MEI4: variants seen among roughly 807,000 people sequenced by gnomAD.
The protein encoded by MEI4 is meiosis-specific protein MEI4.
In MEI4, 27 loss-of-function variants were observed where a neutral mutation model predicts 31.4. That is an observed-to-expected ratio of 0.86 (90% CI 0.63 to 1.19). The LOEUF is 1.19. Among genes scored for constraint, MEI4 ranks in the 50% most tolerant of loss-of-function variants. The probability of loss-of-function intolerance (pLI) is 0.00; values close to 1 mark genes in which losing one functional copy is unlikely to be tolerated. For synonymous variants in MEI4, 122 were observed against 145.4 expected (o/e 0.84, Z 1.16); for missense variants, 329 against 398.9 (o/e 0.82, Z 1.49).
chr6:77,677,859 T>A (rs1768873312), intron 1 of MEI4, among the ~76,000 whole-genome samples: 1 of 152,250 alleles, frequency 6.6e-6, no homozygotes, highest in South Asian at 2.1e-4. Context: ...TCTACATGTA[T>A]AAATTAATTA....
At chr6:77,915,910 C>T (rs1766533811) in intron 4 of MEI4, among the ~76,000 whole-genome samples, 1 of 151,786 alleles carries the variant, frequency 6.6e-6, no homozygotes, top group South Asian at 2.1e-4. Context: ...TATTTGTTTC[C>T]TTTATCATGG....
At chr6:77,824,240 C>A (rs2127709671) in intron 3 of MEI4, among the ~76,000 whole-genome samples, 1 of 152,242 alleles carries the variant, frequency 6.6e-6, no homozygotes, top group African/African-American at 2.4e-5. Flanking sequence ...CAGGCGCGTG[C>A]CACCATCCCC....
chr6:77,810,508 G>A lies in MEI4; in HGVS notation c.769-18423G>A, dbSNP rs143417089. ...TAAGGGGTGAAGAAGGCATCTGCCC[G>A]GTGCCAGAAAACAAAAAGTAAAGGC... On this transcript the variant is annotated intron_variant, in intron 3 of 4. Coordinates refer to ENST00000684080, the MANE Select transcript of MEI4 (RefSeq NM_001322247.2). 8.1e-3 allele frequency among the ~76,000 whole-genome samples: 1,226 copies of A among 152,158 alleles called. 14 individuals are homozygous for A. The highest frequency in any genetic ancestry group is 0.048 in the Middle Eastern group (14 of 294).
chr6:77,696,112 T>C (rs1251715525), intron 2 of MEI4, among the ~76,000 whole-genome samples: 5 of 152,216 alleles, frequency 3.3e-5, no homozygotes, highest in African/African-American at 9.6e-5. Context: ...GCACATTGAT[T>C]TTGTATCCTG....
intron 2 of MEI4, among the ~76,000 whole-genome samples, chr6:77,727,886 T>A (rs1012382982): frequency 1.3e-5 from 2 of 152,172 alleles, no homozygotes; most frequent in Non-Finnish European, 2.9e-5. Flanking sequence ...AGTTTCCTGA[T>A]TGAAATCTCT....
At chr6:77,918,126 T>G (rs9343694) in intron 4 of MEI4, among the ~76,000 whole-genome samples, 82,641 of 148,746 alleles carry the variant, frequency 0.56, 24,428 homozygotes, top group Non-Finnish European at 0.64. Flanking sequence ...CATTGATCTA[T>G]ATCTCTGTTT....
At chr6:77,791,687 A>G (rs559791059) in intron 3 of MEI4, among the ~76,000 whole-genome samples, 37 of 150,224 alleles carry the variant, frequency 2.5e-4, no homozygotes, top group South Asian at 6.3e-4. Context: ...ATAAAAAAAA[A>G]AAAAAGAAAT....
intron 3 of MEI4, among the ~76,000 whole-genome samples, chr6:77,804,268 A>C (rs2127702145): frequency 6.6e-6 from 1 of 152,258 alleles, no homozygotes; most frequent in South Asian, 2.1e-4. Flanking sequence ...ACGGGATATA[A>C]TCTCCTGGTG....
chr6:77,739,401 G>A (rs1582084528), intron 2 of MEI4, among the ~76,000 whole-genome samples: 1 of 152,118 alleles, frequency 6.6e-6, no homozygotes, highest in Non-Finnish European at 1.5e-5. Context: ...CCATAGAATA[G>A]AATGAGTTCA....
At chr6:77,822,785 A>T (rs1769858374) in intron 3 of MEI4, among the ~76,000 whole-genome samples, 1 of 146,100 alleles carries the variant, frequency 6.8e-6, no homozygotes, top group South Asian at 2.2e-4. Context: ...ACTCCTGGCT[A>T]TTTTTTTTTT....
chr6:77,749,292 G>A (rs956154803), intron 2 of MEI4, among the ~76,000 whole-genome samples: 2 of 152,214 alleles, frequency 1.3e-5, no homozygotes, highest in Non-Finnish European at 2.9e-5. Flanking sequence ...ACAGAAGTAG[G>A]CTTCAGAAGG....
intron 4 of MEI4, among the ~76,000 whole-genome samples, chr6:77,914,036 A>AG (rs1766489043): frequency 6.6e-6 from 1 of 150,550 alleles, no homozygotes; most frequent in Non-Finnish European, 1.5e-5. Flanking sequence ...TGTTTCAAGA[A>AG]AAAAAAAAAA....
intron 4 of MEI4, among the ~76,000 whole-genome samples, chr6:77,914,386 G>A (rs1285823707): frequency 6.6e-6 from 1 of 151,898 alleles, no homozygotes; most frequent in Non-Finnish European, 1.5e-5. Context: ...TAATTTGAAT[G>A]TATTTGTACA....
chr6:77,765,538 G>A (rs532530655), intron 3 of MEI4, among the ~76,000 whole-genome samples: 18 of 151,044 alleles, frequency 1.2e-4, no homozygotes, highest in Non-Finnish European at 2.5e-4. Context: ...TTAGCATTAG[G>A]TATATCTCCT....
chr6:77,739,526 A>G (rs926453399), intron 2 of MEI4, among the ~76,000 whole-genome samples: 1 of 152,132 alleles, frequency 6.6e-6, no homozygotes, highest in Non-Finnish European at 1.5e-5. Flanking sequence ...GAACAATGAG[A>G]ACCTGTGGAC....
chr6:77,752,317 G>A (rs1303674947), intron 2 of MEI4, among the ~76,000 whole-genome samples: 1 of 152,164 alleles, frequency 6.6e-6, no homozygotes, highest in Non-Finnish European at 1.5e-5. Flanking sequence ...TAGGAAAAGA[G>A]GAAGTCAAAT....
chr6:77,756,810 G>A (rs1767930824), intron 2 of MEI4, among the ~76,000 whole-genome samples: 1 of 152,118 alleles, frequency 6.6e-6, no homozygotes, highest in Non-Finnish European at 1.5e-5. Flanking sequence ...AAAGATGACA[G>A]AAGACCTGTT....
At chr6:77,863,180 T>G (rs1008913397) in intron 4 of MEI4, among the ~76,000 whole-genome samples, 1 of 151,998 alleles carries the variant, frequency 6.6e-6, no homozygotes, top group African/African-American at 2.4e-5. Flanking sequence ...AGAGCACCTC[T>G]CCTCCTCCAA....
chr6:77,895,718 C>A (rs1288876128), intron 4 of MEI4, among the ~76,000 whole-genome samples: 1 of 152,062 alleles, frequency 6.6e-6, no homozygotes, highest in Admixed American at 6.6e-5. Context: ...CCAGCACCTA[C>A]CCTTGAGTTA....
Sources: gnomAD v4.1 joint callset for allele counts (sites outside exome capture counted in the v4.1 genomes callset) on GRCh38, gnomAD v4.1.1 for gene constraint, MANE v1.5 for transcripts, NCBI Gene and HGNC (gene_info 2026-07-23, HGNC 2026-07-21) for gene names.